PIK3R3: variants seen among roughly 807,000 people sequenced by gnomAD.
PIK3R3 encodes phosphatidylinositol 3-kinase regulatory subunit gamma.
In PIK3R3, 64 loss-of-function variants were observed where a neutral mutation model predicts 62.9. That is an observed-to-expected ratio of 1.02 (90% CI 0.83 to 1.25). The LOEUF is 1.25. Among genes scored for constraint, PIK3R3 ranks in the 50% most tolerant of loss-of-function variants. The probability of loss-of-function intolerance (pLI) is 0.00; values close to 1 mark genes in which losing one functional copy is unlikely to be tolerated. For synonymous variants in PIK3R3, 165 were observed against 189.0 expected (o/e 0.87, Z 1.04); for missense variants, 614 against 561.6 (o/e 1.09, Z -0.94).
At chr1:46,136,959 C>G (rs1465262055), upstream of PIK3R3, among the ~76,000 whole-genome samples, 2 of 152,170 alleles carry the variant, frequency 1.3e-5, no homozygotes, top group Non-Finnish European at 2.9e-5. Context: ...TTCAGGAGGA[C>G]AGGGCACAAA....
Position 46,040,304 on chromosome 1 carries a change from A to C in PIK3R3, c.*3369T>G, listed in dbSNP as rs1329332541. 8.6e-6 allele frequency: 2 copies of C among 232,238 alleles called. No individual in the cohort carries two copies. The highest frequency in any genetic ancestry group is 1.7e-5 in the Non-Finnish European group (2 of 117,220). 14.4% of individuals were successfully genotyped at this position (232,238 alleles called of 1,614,324 possible). On this transcript the variant is annotated 3_prime_UTR_variant, in exon 10 of 10. Transcript: ENST00000262741. The stretch of plus-strand genomic sequence containing the variant: ...ATGTCTGAACACATCTGGTGACAAG[A>C]ACAATTTGTAAAGTGGTCTAGCAAC...
At chr1:46,128,905 C>T (rs1038614742) in intron 1 of PIK3R3, among the ~76,000 whole-genome samples, 9 of 152,106 alleles carry the variant, frequency 5.9e-5, no homozygotes, top group African/African-American at 2.2e-4. Flanking sequence ...AACCCTGTCT[C>T]TACTAACAAT....
the PIK3R3 span, among the ~76,000 whole-genome samples, chr1:46,140,780 G>C: frequency 6.6e-6 from 1 of 152,182 alleles, no homozygotes; most frequent in Non-Finnish European, 1.5e-5. Flanking sequence ...CCTTGTTTTG[G>C]ACTTCTGGCC....
intron 1 of PIK3R3, among the ~76,000 whole-genome samples, chr1:46,128,880 A>G (rs1655321888): frequency 6.6e-6 from 1 of 152,152 alleles, no homozygotes. Context: ...CAGGAGTTCG[A>G]TATCAGCCTG....
chr1:46,121,952 T>A (rs912883187), intron 1 of PIK3R3, among the ~76,000 whole-genome samples: 3 of 151,894 alleles, frequency 2.0e-5, no homozygotes, highest in Non-Finnish European at 2.9e-5. Flanking sequence ...ACTTTAAAAA[T>A]TAGCCAGGTG....
intron 5 of PIK3R3, among the ~76,000 whole-genome samples, chr1:46,063,846 C>G (rs1648745292): frequency 6.6e-6 from 1 of 152,190 alleles, no homozygotes; most frequent in Non-Finnish European, 1.5e-5. Context: ...TAAACAAGCT[C>G]TGGTAACAAC....
intron 1 of PIK3R3, among the ~76,000 whole-genome samples, chr1:46,088,853 G>C (rs1291033227): frequency 1.4e-5 from 2 of 147,220 alleles, no homozygotes; most frequent in East Asian, 3.9e-4. Flanking sequence ...GGGGAAAAGA[G>C]AAGGTCCTAA....
chr1:46,141,703 C>G, the PIK3R3 span, among the ~76,000 whole-genome samples: 1 of 152,220 alleles, frequency 6.6e-6, no homozygotes, highest in African/African-American at 2.4e-5. Context: ...TAGACTAGCT[C>G]TAGTCCTAGA....
the PIK3R3 span, among the ~76,000 whole-genome samples, chr1:46,140,746 C>T: frequency 1.3e-5 from 2 of 152,224 alleles, no homozygotes; most frequent in African/African-American, 4.8e-5. Flanking sequence ...TTCAGAGCCT[C>T]AGAAGAAACC....
rs183119204 is a variant in PIK3R3 at position 46,085,468 on chromosome 1, A to G, written c.107-4718T>C. Among the ~76,000 whole-genome samples the G allele has an allele frequency of 3.4e-3, 513 of 152,332 alleles. 3 individuals carry two copies. The highest frequency in any genetic ancestry group is 4.9e-3 in the Non-Finnish European group (333 of 68,026). On this transcript the variant is annotated intron_variant, in intron 1 of 9. Transcript: ENST00000262741. ...TCTATCAAACTAAACTGAATCTTCCATCTAAATGTTTTACCTTCTCTGAGA... is the reference window on the plus strand; with the variant it reads ...TCTATCAAACTAAACTGAATCTTCCGTCTAAATGTTTTACCTTCTCTGAGA...
the PIK3R3 span, among the ~76,000 whole-genome samples, chr1:46,171,426 G>A: frequency 6.6e-6 from 1 of 152,222 alleles, no homozygotes; most frequent in African/African-American, 2.4e-5. Flanking sequence ...TTAAGCACTG[G>A]GCAGAGAGCC....
chr1:46,147,028 A>T, the PIK3R3 span, among the ~76,000 whole-genome samples: 1 of 152,288 alleles, frequency 6.6e-6, no homozygotes, highest in South Asian at 2.1e-4. Flanking sequence ...AGGGAGGGTA[A>T]TCTAGCACCT....
intron 2 of PIK3R3, among the ~76,000 whole-genome samples, chr1:46,079,291 A>G (rs192307827): frequency 1.3e-5 from 2 of 152,340 alleles, no homozygotes; most frequent in Admixed American, 1.3e-4. Flanking sequence ...ATTTAGTAAG[A>G]AAATACAATA....
chr1:46,078,470 A>C (rs944816479), intron 2 of PIK3R3, among the ~76,000 whole-genome samples: 2 of 152,182 alleles, frequency 1.3e-5, no homozygotes, highest in African/African-American at 4.8e-5. Context: ...TGAACCTGGG[A>C]GGCGGAGGTT....
intron 1 of PIK3R3, among the ~76,000 whole-genome samples, chr1:46,108,460 A>G (rs927689733): frequency 6.6e-6 from 1 of 152,198 alleles, no homozygotes; most frequent in Non-Finnish European, 1.5e-5. Flanking sequence ...TTCCACTACA[A>G]ATTTACAGTT....
chr1:46,077,725 C>A, intron 2 of PIK3R3, 112 bp from the exon 3 acceptor site: 1 of 673,262 alleles, frequency 1.5e-6, no homozygotes. Context: ...GTAGGTGTGC[C>A]TGAGGTTATA....
chr1:46,103,991 T>C (rs988169534), intron 1 of PIK3R3, among the ~76,000 whole-genome samples: 1 of 152,026 alleles, frequency 6.6e-6, no homozygotes, highest in African/African-American at 2.4e-5. Context: ...AGTGACGTGA[T>C]CTCAGCTCAC....
chr1:46,087,542 C>T (rs1400948983), intron 1 of PIK3R3, among the ~76,000 whole-genome samples: 2 of 150,700 alleles, frequency 1.3e-5, no homozygotes, highest in Admixed American at 1.3e-4. Flanking sequence ...CCCTAAAAAG[C>T]ATCTAAAAAT....
chr1:46,046,128 T>C, intron 8 of PIK3R3, 40 bp from the exon 9 acceptor site: 1 of 1,261,490 alleles, frequency 7.9e-7, no homozygotes, highest in Non-Finnish European at 1.1e-6. Context: ...AACAAGTTAC[T>C]TCTATCTAAA....
Sources: allele counts gnomAD v4.1 joint callset (sites outside exome capture counted in the v4.1 genomes callset), GRCh38; gene constraint gnomAD v4.1.1; transcripts MANE v1.5; gene names NCBI Gene and HGNC (gene_info 2026-07-23, HGNC 2026-07-21).